The following SNX9 variants were observed in gnomAD, a reference collection of about 807,000 sequenced individuals.
SNX9 encodes the protein sorting nexin-9.
A neutral mutation model predicts 89.4 loss-of-function variants in SNX9; 44 were observed. The ratio of observed to expected loss-of-function variants is 0.49; its 90% CI spans 0.39 to 0.63. The LOEUF (loss-of-function observed/expected upper bound fraction) is 0.63. SNX9 is among the 30% of genes least tolerant of loss of function. SNX9 has a pLI of 0.00. For synonymous variants in SNX9, 236 were observed against 247.8 expected, an observed-to-expected ratio of 0.95 and a Z score of 0.45; for missense variants, 578 against 736.1, an observed-to-expected ratio of 0.79 and a Z score of 2.49.
intron 1 of SNX9, among the ~76,000 whole-genome samples, chr6:157,837,437 G>A (rs1216514940): frequency 2.6e-5 from 4 of 152,186 alleles, no homozygotes; most frequent in Admixed American, 2.6e-4. Context: ...AATTCACTAG[G>A]AGAGAAGAAT....
chr6:157,938,428 G>A (rs907974660), intron 15 of SNX9, among the ~76,000 whole-genome samples: 1 of 152,188 alleles, frequency 6.6e-6, no homozygotes, highest in Non-Finnish European at 1.5e-5. Context: ...TTTTAGCTTA[G>A]TGACATTTGT....
At chr6:157,864,624 C>T (rs1782214976) in intron 1 of SNX9, among the ~76,000 whole-genome samples, 3 of 152,184 alleles carry the variant, frequency 2.0e-5, no homozygotes, top group Admixed American at 6.5e-5. Flanking sequence ...TGTGGCTTTG[C>T]TTCTCCCAGG....
intron 1 of SNX9, among the ~76,000 whole-genome samples, chr6:157,833,395 A>C (rs1352257004): frequency 1.6e-4 from 25 of 152,142 alleles, no homozygotes. Flanking sequence ...AGGTTGGAAA[A>C]ATTTTTTAAT....
intron 9 of SNX9, among the ~76,000 whole-genome samples, chr6:157,919,922 G>A (rs1219366891): frequency 6.6e-6 from 1 of 152,066 alleles, no homozygotes; most frequent in Non-Finnish European, 1.5e-5. Flanking sequence ...TTAAATCTCT[G>A]AAGTCTGTCT....
chr6:157,884,406 T>A (rs1008992625), intron 4 of SNX9, among the ~76,000 whole-genome samples: 3 of 152,242 alleles, frequency 2.0e-5, no homozygotes, highest in Admixed American at 1.3e-4. Context: ...TTTTAGGCCT[T>A]TTTTGGTAGT....
chr6:157,914,474 T>TC (rs1235559486), intron 9 of SNX9, among the ~76,000 whole-genome samples: 13 of 125,878 alleles, frequency 1.0e-4, no homozygotes, highest in African/African-American at 3.2e-4. Context: ...TTTTTCTTTT[T>TC]TTTTTTTTTT....
chr6:157,831,960 A>G (rs187176726), intron 1 of SNX9, among the ~76,000 whole-genome samples: 201 of 152,358 alleles, frequency 1.3e-3, no homozygotes, highest in African/African-American at 3.8e-3. Flanking sequence ...GTTGTTAAGC[A>G]TTTTGGTTGA....
intron 4 of SNX9, among the ~76,000 whole-genome samples, chr6:157,887,027 A>G (rs749654427): frequency 2.0e-5 from 3 of 152,124 alleles, no homozygotes; most frequent in Non-Finnish European, 4.4e-5. Context: ...ATTATGGGTC[A>G]TATTTTCCTT....
At chr6:157,834,147 GTGGTTTTTTTTTTT>G (rs1477369702) in intron 1 of SNX9, among the ~76,000 whole-genome samples, 3 of 71,232 alleles carry the variant, frequency 4.2e-5, no homozygotes, top group African/African-American at 2.8e-4. Flanking sequence ...GGTGTCCACT[GTGGTTTTTTTTTTT>G]TTTTTTTTTT....
At chr6:157,917,822 T>A (rs1010668114) in intron 9 of SNX9, among the ~76,000 whole-genome samples, 3 of 151,976 alleles carry the variant, frequency 2.0e-5, no homozygotes, top group East Asian at 1.9e-4. Flanking sequence ...CAGAAAAAAA[T>A]TTTTTCCCTC....
intron 14 of SNX9, among the ~76,000 whole-genome samples, chr6:157,936,576 A>G (rs1170885094): frequency 6.6e-6 from 1 of 152,250 alleles, no homozygotes; most frequent in Admixed American, 6.5e-5. Context: ...CTTAGCCATC[A>G]GGGGATTCTA....
intron 1 of SNX9, among the ~76,000 whole-genome samples, chr6:157,857,595 G>A (rs985855431): frequency 4.0e-5 from 6 of 149,446 alleles, no homozygotes; most frequent in East Asian, 1.9e-4. Flanking sequence ...TGTTACCTAC[G>A]TTTCTATATG....
In SNX9 at chr6:157,921,565, G is replaced by C; in HGVS notation, c.984G>C (p.Met328Ile). ...RFEEEFIKMR[M>I]ERLQAWMTRM... ...AAGAGGAATTTATCAAAATGCGCATGGAGAGACTTCAGGCCTGGATGACCA... is the reference window on the plus strand; with the variant it reads ...AAGAGGAATTTATCAAAATGCGCATCGAGAGACTTCAGGCCTGGATGACCA... Residue 328 changes from methionine to isoleucine, a missense_variant, in exon 10 of 18, where the codon ATG (methionine) becomes ATC (isoleucine). By Grantham distance (10) the Met-to-Ile change is conservative (BLOSUM62 1). Around this residue, in one of 2 missense-constraint regions of SNX9, gnomAD observed 348 missense variants for 491.4 expected, o/e 0.71. Transcript: ENST00000392185. 6.2e-7 allele frequency: 1 copy of C among 1,613,980 alleles called. No individual in the cohort carries two copies. Among genetic ancestry groups the C allele is most frequent in the Non-Finnish European group, 8.5e-7 (1 of 1,179,974 alleles).
At chr6:157,934,030 T>C (rs1258897725) in intron 13 of SNX9, 1 of 152,256 alleles carries the variant, frequency 6.6e-6, no homozygotes, top group African/African-American at 2.4e-5. Flanking sequence ...AGGTCAGCAG[T>C]GTGGAGTACT....
chr6:157,933,770 A>G (rs1783864159), intron 13 of SNX9, among the ~76,000 whole-genome samples: 1 of 152,222 alleles, frequency 6.6e-6, no homozygotes, highest in Non-Finnish European at 1.5e-5. Flanking sequence ...AATTTTGGCC[A>G]TCATGATGGC....
rs780832931 is a variant in SNX9, at chr6:157,875,053, T to G, written c.177T>G (p.Ile59Met). 5.0e-6 allele frequency: 8 copies of G among 1,613,842 alleles called. No homozygotes were observed. The highest frequency in any genetic ancestry group is 5.1e-6 in the Non-Finnish European group (6 of 1,179,898). The change falls in exon 4 of 18, where the codon ATT becomes ATG. Residue 59 changes from isoleucine (I) to methionine (M), a missense_variant and splice_region_variant. By Grantham distance (10) the Ile-to-Met change is conservative (BLOSUM62 1). Coordinates refer to ENST00000392185, the MANE Select transcript of SNX9 (RefSeq NM_016224.5). ...RGLVPTDYVEILPSDGKDQFS... is the reference protein window; with the variant it reads ...RGLVPTDYVEMLPSDGKDQFS... ...TTGCGGCTCTTTCTCCTATTCAGAT[T>G]TTACCCAGTGATGGAAAAGATCAAT...
intron 4 of SNX9, among the ~76,000 whole-genome samples, chr6:157,889,430 C>CA (rs56303673): frequency 0.17 from 9,597 of 57,932 alleles, 1,081 homozygotes; most frequent in African/African-American, 0.36. Flanking sequence ...GACCCTGTCT[C>CA]AAAAAAAAAA....
chr6:157,860,450 T>G (rs1436678824), intron 1 of SNX9, among the ~76,000 whole-genome samples: 1 of 152,226 alleles, frequency 6.6e-6, no homozygotes. Flanking sequence ...TTTGTGTGTT[T>G]AATTATGAAG....
chr6:157,919,723 G>C (rs1562618494), intron 9 of SNX9, among the ~76,000 whole-genome samples: 2 of 152,102 alleles, frequency 1.3e-5, no homozygotes, highest in Non-Finnish European at 2.9e-5. Context: ...GACACTCAGA[G>C]ATAGTGTCTA....
Sources: gnomAD v4.1 joint callset for allele counts (sites outside exome capture counted in the v4.1 genomes callset) on GRCh38, gnomAD v4.1.1 for gene constraint, gnomAD v4.1.1 regional missense constraint, MANE v1.5 for transcripts, NCBI Gene and HGNC (gene_info 2026-07-23, HGNC 2026-07-21) for gene names.